The following MEIOC variants were observed in gnomAD, a reference collection of about 807,000 sequenced individuals.
MEIOC encodes meiosis specific with coiled-coil domain.
A neutral mutation model predicts 85.3 loss-of-function variants in MEIOC; 9 were observed. That is an observed-to-expected ratio of 0.11 (90% CI 0.06 to 0.18). The LOEUF (loss-of-function observed/expected upper bound fraction) is 0.18, where lower values mean the gene tolerates loss of function less well. Among genes scored for constraint, MEIOC ranks in the 10% least tolerant of loss-of-function variants. MEIOC has a pLI of 1.00. For synonymous variants in MEIOC, 365 were observed against 393.7 expected (o/e 0.93, Z 0.86); for missense variants, 898 against 1,129.4 (o/e 0.80, Z 2.94).
intron 2 of MEIOC, among the ~76,000 whole-genome samples, chr17:44,661,011 C>T (rs1971834509): frequency 6.6e-6 from 1 of 151,932 alleles, no homozygotes; most frequent in Non-Finnish European, 1.5e-5. Flanking sequence ...AGGCTGGGTG[C>T]AATGGCTCAC....
intron 5 of MEIOC, among the ~76,000 whole-genome samples, chr17:44,669,127 C>T (rs576745513): frequency 2.0e-5 from 3 of 151,976 alleles, no homozygotes; most frequent in East Asian, 1.9e-4. Flanking sequence ...CGCTTGAACC[C>T]GGGAAACGGA....
intron 2 of MEIOC, among the ~76,000 whole-genome samples, chr17:44,661,721 A>G (rs1258040406): frequency 6.6e-6 from 1 of 151,812 alleles, no homozygotes; most frequent in Non-Finnish European, 1.5e-5. Flanking sequence ...CAGCTGGCTA[A>G]TTTTTTGTAT....
chr17:44,656,566 C>A lies in MEIOC; in HGVS notation c.-48C>A, dbSNP rs1444177713. On this transcript the variant is annotated 5_prime_UTR_variant, in exon 1 of 8. Coordinates refer to ENST00000409122, the MANE Select transcript of MEIOC (RefSeq NM_001145080.3). ...GCCTGGACGCCCCCCCCATCACCCC[C>A]GTACCCCAGGAGCTGTGCCTAGTCC... The A allele has an allele frequency of 7.3e-7, 1 of 1,378,456 alleles. No individual in the cohort carries two copies. Among genetic ancestry groups the A allele is most frequent in the East Asian group, 3.1e-5 (1 of 32,354 alleles). 85.4% of individuals were successfully genotyped at this position (1,378,456 alleles called of 1,614,324 possible). A position where few individuals can be genotyped will look rare whatever the true frequency, so the allele number is the denominator to read the frequency against.
chr17:44,664,335 C>G (rs1483469407), intron 3 of MEIOC, among the ~76,000 whole-genome samples: 1 of 152,110 alleles, frequency 6.6e-6, no homozygotes, highest in Non-Finnish European at 1.5e-5. Flanking sequence ...GCACTGCAGC[C>G]TGGGGAACAG....
In MEIOC at chr17:44,674,790, G is replaced by A. The variant is rs1312384590; in HGVS notation, c.*594G>A. 1.0e-6 allele frequency: 1 copy of A among 983,436 alleles called. No individual in the cohort carries two copies. Among genetic ancestry groups the A allele is most frequent in the Non-Finnish European group, 1.2e-6 (1 of 828,248 alleles). 60.9% of individuals were successfully genotyped at this position (983,436 alleles called of 1,614,324 possible). On this transcript the variant is annotated 3_prime_UTR_variant, in exon 8 of 8. Coordinates refer to ENST00000409122, the MANE Select transcript of MEIOC (RefSeq NM_001145080.3). ...ATCTTAATGCCTAGGTATATGGAGG[G>A]AAATGCATCTGATTCTCCTAAATTA...
At chr17:44,673,946 A>G in intron 7 of MEIOC, 30 bp from the exon 8 acceptor site, 1 of 1,540,416 alleles carries the variant, frequency 6.5e-7, no homozygotes. Context: ...GGCATTTAAT[A>G]TGAAATGACC....
intron 5 of MEIOC, 60 bp from the exon 6 acceptor site, chr17:44,669,323 A>G (rs977266379): frequency 2.2e-6 from 3 of 1,356,960 alleles, no homozygotes; most frequent in African/African-American, 2.9e-5. Flanking sequence ...GAAAACTATT[A>G]TTCATGGTCG....
chr17:44,657,378 C>CTTTT (rs35032511), intron 2 of MEIOC, 117 bp downstream of exon 2: 21 of 296,026 alleles, frequency 7.1e-5, no homozygotes, highest in African/African-American at 3.0e-4. Flanking sequence ...CCAGGGAAAA[C>CTTTT]TTTTTTTTTT....
rs926306343 is a variant in MEIOC at position 44,670,203 on chromosome 17, C to T, written c.2457+686C>T. On this transcript the variant is annotated intron_variant, in intron 6 of 7. Transcript: ENST00000409122. ...GCTTGAGCCTGGGATGTCAGGGCTA[C>T]AGTGAGCCATAACCACACCATTGCA... 7 of 132,660 alleles carry T rather than the reference C, an allele frequency of 5.3e-5. No individual in the cohort carries two copies. The Admixed American group carries it at 5.5e-4, about 10-fold the overall frequency. The allele number at this position is 132,660 out of a possible 1,614,324, so 8.2% of individuals were successfully genotyped here.
chr17:44,676,836 A>T, downstream of MEIOC: 1 of 487,532 alleles, frequency 2.1e-6, no homozygotes, highest in South Asian at 8.8e-5. Context: ...AAACAAAAAA[A>T]ATATGCCCTT....
intron 7 of MEIOC, 58 bp from the exon 8 acceptor site, chr17:44,673,918 T>C: frequency 6.6e-7 from 1 of 1,525,212 alleles, no homozygotes; most frequent in Non-Finnish European, 8.9e-7. Context: ...TTTTGTAAGA[T>C]TTAACAGATA....
chr17:44,674,229 G>A lies in MEIOC; in HGVS notation c.*33G>A. On this transcript the variant is annotated 3_prime_UTR_variant, in exon 8 of 8. Coordinates refer to ENST00000409122, the MANE Select transcript of MEIOC (RefSeq NM_001145080.3). ...CCAGCAGAAAGAAGAATAAAAAGCT[G>A]ATAAATATACCAAGACATGCTAAAA... The A allele has an allele frequency of 1.3e-6, 2 of 1,525,406 alleles. No individual in the cohort carries two copies. The highest frequency in any genetic ancestry group is 1.8e-6 in the Non-Finnish European group (2 of 1,135,594). The allele number at this position is 1,525,406 out of a possible 1,614,324, so 94.5% of individuals were successfully genotyped here. A position where few individuals can be genotyped will look rare whatever the true frequency, so the allele number is the denominator to read the frequency against.
At chr17:44,660,057 T>C (rs1021761218) in intron 2 of MEIOC, among the ~76,000 whole-genome samples, 1 of 152,134 alleles carries the variant, frequency 6.6e-6, no homozygotes, top group Non-Finnish European at 1.5e-5. Flanking sequence ...AGATGGATGA[T>C]TGGAAGGTAT....
chr17:44,667,587 T>A lies in MEIOC; in HGVS notation c.1676T>A (p.Val559Asp), dbSNP rs751963734. ...AGTGGTGCAGAAAGAATCCAATCTG[T>A]CAATCACATAGAAGGACTAACAAAG... ...SYSGAERIQS[V>D]NHIEGLTKPG... Residue 559 changes from valine (V) to aspartate (D), a missense_variant, in exon 5 of 8, where the codon GTC becomes GAC. Around this residue, in one of 2 missense-constraint regions of MEIOC, gnomAD observed 734 missense variants for 860.1 expected, o/e 0.85. Transcript: ENST00000409122. 2 of 1,613,724 alleles carry A rather than the reference T, an allele frequency of 1.2e-6. No individual in the cohort carries two copies. Among genetic ancestry groups the A allele is most frequent in the East Asian group, 4.5e-5 (2 of 44,872 alleles).
rs1335664955 is a variant in MEIOC, at chr17:44,667,339, A to G, written c.1428A>G (p.Pro476=). 7.8e-5 allele frequency: 126 copies of G among 1,613,764 alleles called. No individual in the cohort carries two copies. The highest frequency in any genetic ancestry group is 1.0e-4 in the Non-Finnish European group (123 of 1,179,852). Residue 476 remains proline, a synonymous_variant, in exon 5 of 8, where the codon CCA becomes CCG. Transcript: ENST00000409122. ...TSSGGINLNR[P]TWMNVQTKNN... is the part of the protein sequence containing the mutation. ...CAGGAGGTATCAATTTAAACAGACC[A>G]ACTTGGATGAATGTTCAAACAAAAA...
rs1971933543 is a variant in MEIOC, at chr17:44,667,908, CTAA to C, written c.2002_2004del (p.Asn668del). The C allele has an allele frequency of 1.9e-6, 3 of 1,613,820 alleles. No individual in the cohort carries two copies. Among genetic ancestry groups the C allele is most frequent in the Non-Finnish European group, 2.5e-6 (3 of 1,179,820 alleles). ...AATCGCACACAAGTGTCATGCTTTT[CTAA>C]TAATTATATGATGGGAGATTTAAGG... On this transcript the variant is annotated inframe_deletion, in exon 5 of 8. Coordinates refer to ENST00000409122, the MANE Select transcript of MEIOC (RefSeq NM_001145080.3).
intron 2 of MEIOC, 117 bp downstream of exon 2, chr17:44,657,378 CTTTTTTTTTTT>C (rs35032511): frequency 1.7e-5 from 5 of 296,052 alleles, no homozygotes; most frequent in Non-Finnish European, 2.8e-5. Context: ...CCAGGGAAAA[CTTTTTTTTTTT>C]TTTTTTTTTT....
Position 44,656,656 on chromosome 17 carries a change from T to C in MEIOC, c.43T>C (p.Ser15Pro). The change falls in exon 1 of 8, where the codon TCA becomes CCA. Residue 15 changes from serine (S) to proline (P), a missense_variant. By Grantham distance (74) the Ser-to-Pro change is moderately conservative (BLOSUM62 -1). Transcript: ENST00000409122. ...AGACACCTGCCCGCGCCCTCACCCC[T>C]CAGGCCTGAGGGAGGAAGGACTTGA... Reference protein sequence around the residue: ...RGDTCPRPHPSGLREEGLEPK... With the variant: ...RGDTCPRPHPPGLREEGLEPK... The C allele has an allele frequency of 6.7e-7, 1 of 1,490,720 alleles. No individual in the cohort carries two copies. The highest frequency in any genetic ancestry group is 2.3e-5 in the Admixed American group (1 of 42,568). The allele number at this position is 1,490,720 out of a possible 1,614,324, so 92.3% of individuals were successfully genotyped here. A position where few individuals can be genotyped will look rare whatever the true frequency, so the allele number is the denominator to read the frequency against.
rs748229425 is a variant in MEIOC, at chr17:44,668,252, C to T, written c.2322+19C>T. ...AAAAAAGGTAACACAAAGTTAACCA[C>T]TTAGGAATAACAGTATGTTCCTTTT... On this transcript the variant is annotated intron_variant, in intron 5 of 7. Coordinates refer to ENST00000409122, the MANE Select transcript of MEIOC (RefSeq NM_001145080.3). The T allele has an allele frequency of 7.0e-6, 11 of 1,571,470 alleles. No individual in the cohort carries two copies. In the East Asian group the frequency reaches 2.5e-4, roughly 35 times the overall value.
Sources: gnomAD v4.1 joint callset for allele counts (sites outside exome capture counted in the v4.1 genomes callset) on GRCh38, gnomAD v4.1.1 for gene constraint, gnomAD v4.1.1 regional missense constraint, MANE v1.5 for transcripts, NCBI Gene and HGNC (gene_info 2026-07-23, HGNC 2026-07-21) for gene names.